ZNF831: variants seen among roughly 807,000 people sequenced by gnomAD.
ZNF831 encodes zinc finger protein 831, also known as chromosome 20 open reading frame 174.
A neutral mutation model predicts 95.8 loss-of-function variants in ZNF831; 59 were observed. The ratio of observed to expected loss-of-function variants is 0.62; its 90% CI spans 0.50 to 0.77. The LOEUF is 0.77. Ranked by LOEUF, ZNF831 falls within the 30% of genes least tolerant of loss-of-function variation. The probability of loss-of-function intolerance (pLI) is 0.00; values close to 1 mark genes in which losing one functional copy is unlikely to be tolerated. For synonymous variants in ZNF831, 961 were observed against 925.5 expected (o/e 1.04, Z -0.70); for missense variants, 2,205 against 2,164.0 (o/e 1.02, Z -0.38).
intron 4 of ZNF831, among the ~76,000 whole-genome samples, chr20:59,229,803 A>G (rs1310476034): frequency 6.6e-6 from 1 of 152,100 alleles, no homozygotes; most frequent in Admixed American, 6.5e-5. Context: ...TGTTTCAGGC[A>G]GGGGGGAAGG....
chr20:59,198,601 C>T (rs117244813), intron 3 of ZNF831, among the ~76,000 whole-genome samples: 30 of 152,282 alleles, frequency 2.0e-4, no homozygotes, highest in African/African-American at 4.3e-4. Context: ...CAACAAATCA[C>T]GACAAGAGCC....
intron 1 of ZNF831, among the ~76,000 whole-genome samples, chr20:59,177,659 G>T (rs1982275982): frequency 6.6e-6 from 1 of 152,170 alleles, no homozygotes; most frequent in Non-Finnish European, 1.5e-5. Context: ...ATTTAAAATT[G>T]CACTCTTCCC....
At chr20:59,218,436 GACAA>G (rs1280628013) in intron 4 of ZNF831, among the ~76,000 whole-genome samples, 1 of 152,160 alleles carries the variant, frequency 6.6e-6, no homozygotes, top group East Asian at 1.9e-4. Flanking sequence ...AATTGGCTTA[GACAA>G]ACAAACAGAA....
At chr20:59,244,123 G>T (rs1027730848) in intron 4 of ZNF831, among the ~76,000 whole-genome samples, 1 of 151,890 alleles carries the variant, frequency 6.6e-6, no homozygotes, top group African/African-American at 2.4e-5. Flanking sequence ...TCAACTGATT[G>T]CCTTTCATCA....
At chr20:59,235,032 T>C (rs758735147) in intron 4 of ZNF831, among the ~76,000 whole-genome samples, 14 of 152,160 alleles carry the variant, frequency 9.2e-5, no homozygotes, top group Admixed American at 3.9e-4. Context: ...TCGTGGCTCC[T>C]AAGGCTCCTC....
In ZNF831 at chr20:59,192,245, C is replaced by T. The variant is rs2146562224; in HGVS notation, c.1226C>T (p.Ala409Val). The T allele has an allele frequency of 6.3e-7, 1 of 1,595,000 alleles. No homozygotes were observed. The change falls in exon 2 of 6, where the codon GCC becomes GTC. Residue 409 changes from alanine (A) to valine (V), a missense_variant. Transcript: ENST00000371030. The surrounding 1 kb of genome is among the most constrained non-coding windows in gnomAD (Gnocchi z 5.2). ...LEKKRLEERI[A>V]QLISHNQAVV... ...AAGAAGCGGCTGGAGGAGCGCATCG[C>T]CCAGCTCATCTCCCACAACCAGGCG...
In ZNF831 at chr20:59,193,527, A is replaced by G. The variant is rs1473576652; in HGVS notation, c.2508A>G (p.Pro836=). 2 of 1,607,300 alleles carry G rather than the reference A, an allele frequency of 1.2e-6. No homozygotes were observed. Among genetic ancestry groups the G allele is most frequent in the Admixed American group, 1.7e-5 (1 of 59,212 alleles). Residue 836 remains proline (P), a synonymous_variant, in exon 2 of 6, where the codon CCA becomes CCG. Transcript: ENST00000371030. The part of the protein sequence containing the change: ...KVEDLHSWKQ[P]EPVSAETPGG... ...AGGACCTGCACAGCTGGAAGCAACC[A>G]GAGCCTGTGAGCGCAGAGACCCCAG...
chr20:59,173,624 T>A (rs1044242202), intron 1 of ZNF831, among the ~76,000 whole-genome samples: 7 of 152,344 alleles, frequency 4.6e-5, no homozygotes, highest in Middle Eastern at 3.4e-3. Flanking sequence ...ATTGTGATGC[T>A]TTTGTACCTC....
intron 4 of ZNF831, among the ~76,000 whole-genome samples, chr20:59,243,502 A>G (rs1389241938): frequency 3.3e-5 from 5 of 152,014 alleles, no homozygotes; most frequent in African/African-American, 1.2e-4. Context: ...GTGGGAGGAG[A>G]CACCCTTGGT....
intron 3 of ZNF831, among the ~76,000 whole-genome samples, chr20:59,197,510 C>T (rs189406808): frequency 3.9e-5 from 6 of 152,296 alleles, no homozygotes; most frequent in Middle Eastern, 3.4e-3. Flanking sequence ...GGCACGCTAG[C>T]GGCCTGGCAT....
In ZNF831 at chr20:59,191,208, C is replaced by T. The variant is rs2146544194; in HGVS notation, c.189C>T (p.Tyr63=). ...TGAAGGCCCTGCCCATCCCACTGTA[C>T]CACACGGTGCCTCCCGGGGGCCTCC... The part of the protein sequence containing the change: ...VFLKALPIPL[Y]HTVPPGGLQP... Residue 63 remains tyrosine, a synonymous_variant, in exon 2 of 6, where the codon TAC becomes TAT. Transcript: ENST00000371030. 4 of 1,570,514 alleles carry T rather than the reference C, an allele frequency of 2.5e-6. 1 individual carries two copies. In the South Asian group the frequency reaches 4.7e-5, roughly 18 times the overall value.
intron 1 of ZNF831, among the ~76,000 whole-genome samples, chr20:59,186,710 C>A (rs1983072029): frequency 6.6e-6 from 1 of 152,336 alleles, no homozygotes; most frequent in Middle Eastern, 3.4e-3. Flanking sequence ...CTTATCCGTT[C>A]TGGCAGCTAC....
chr20:59,254,891 A>G lies in ZNF831; in HGVS notation c.*148A>G. The stretch of plus-strand genomic sequence containing the variant: ...TTGAGTTATTTACAAGCCAACTCCA[A>G]CCAACTTCTGACCCCCAACTCAGCC... On this transcript the variant is annotated 3_prime_UTR_variant, in exon 6 of 6. Transcript: ENST00000371030. This position sits in a 1 kb window ranked among gnomAD's most constrained non-coding sequence, Gnocchi z 4.5. The G allele has an allele frequency of 8.7e-7, 1 of 1,149,570 alleles. No homozygotes were observed. The highest frequency in any genetic ancestry group is 1.6e-5 in the African/African-American group (1 of 64,232). 71.2% of individuals were successfully genotyped at this position (1,149,570 alleles called of 1,614,324 possible).
In ZNF831 at chr20:59,149,756, G is replaced by A. The variant is rs549429761; in HGVS notation, c.-1281+3382G>A. 5.1e-3 allele frequency among the ~76,000 whole-genome samples: 774 copies of A among 152,322 alleles called. 2 individuals carry two copies. Among genetic ancestry groups the A allele is most frequent in the Middle Eastern group, 0.01 (3 of 294 alleles). On this transcript the variant is annotated intron_variant, in intron 2 of 7. Transcript: ENST00000637017. Reference sequence around the variant, plus strand: ...GTGATGTTGACACTGTGTGGATGGCGGGGCTGGAACTTGCCCTGAGGGCCC... The same window carrying A: ...GTGATGTTGACACTGTGTGGATGGCAGGGCTGGAACTTGCCCTGAGGGCCC...
chr20:59,166,652 A>G (rs936916746), intron 1 of ZNF831, among the ~76,000 whole-genome samples: 1 of 152,128 alleles, frequency 6.6e-6, no homozygotes, highest in African/African-American at 2.4e-5. Context: ...CATTTCAAGA[A>G]TGTTATATGA....
At chr20:59,171,995 G>C (rs559455588) in intron 1 of ZNF831, among the ~76,000 whole-genome samples, 5 of 152,306 alleles carry the variant, frequency 3.3e-5, no homozygotes, top group African/African-American at 1.2e-4. Context: ...GATTTACAGT[G>C]TATCCTTTTG....
intron 3 of ZNF831, among the ~76,000 whole-genome samples, chr20:59,196,645 T>G (rs899839807): frequency 7.2e-5 from 11 of 152,150 alleles, no homozygotes; most frequent in African/African-American, 2.4e-4. Context: ...ATTTTCCCTG[T>G]GATCTCCTCC....
chr20:59,214,489 T>C lies in ZNF831; in HGVS notation c.4027+7433T>C, dbSNP rs140030592. Among the ~76,000 whole-genome samples, 40 of 152,340 alleles carry C rather than the reference T, an allele frequency of 2.6e-4. No individual in the cohort carries two copies. The East Asian group carries it at 7.5e-3, about 29-fold the overall frequency. ...CACTGGACAGCTACTCCATGTCATC[T>C]TGAGTCAGCTGGTGCCACTCAGTCA... On this transcript the variant is annotated intron_variant, in intron 4 of 5. Coordinates refer to ENST00000371030, the MANE Select transcript of ZNF831 (RefSeq NM_178457.3).
chr20:59,195,888 C>A lies in ZNF831; in HGVS notation c.3758C>A (p.Pro1253Gln). 6.2e-7 allele frequency: 1 copy of A among 1,614,108 alleles called. No homozygotes were observed. The highest frequency in any genetic ancestry group is 8.5e-7 in the Non-Finnish European group (1 of 1,180,018). ...TTTCAGTTCTCCTACCCAACAGTCC[C>A]AGGGGTGATGCCCCAGCACCAGGTG... ...QMSKFSYPTVPGVMPQHQVSE... is the reference protein window; with the variant it reads ...QMSKFSYPTVQGVMPQHQVSE... Residue 1253 changes from proline to glutamine, a missense_variant, in exon 3 of 6, where the codon CCA (proline) becomes CAA (glutamine). Physicochemically the swap from Pro to Gln is moderately conservative, Grantham distance 76. Coordinates refer to ENST00000371030, the MANE Select transcript of ZNF831 (RefSeq NM_178457.3).
Sources: gnomAD v4.1 joint callset for allele counts (sites outside exome capture counted in the v4.1 genomes callset) on GRCh38, gnomAD v4.1.1 for gene constraint, Gnocchi (gnomAD v3.1) non-coding constraint, MANE v1.5 for transcripts, NCBI Gene and HGNC (gene_info 2026-07-23, HGNC 2026-07-21) for gene names.